The following SYNRG variants were observed in gnomAD, a reference collection of about 807,000 sequenced individuals.
The protein encoded by SYNRG is synergin gamma.
In SYNRG, 37 loss-of-function variants were observed where a neutral mutation model predicts 130.9. The ratio of observed to expected loss-of-function variants is 0.28; its 90% CI spans 0.22 to 0.37. SYNRG has a LOEUF of 0.37. SYNRG is among the 10% of genes least tolerant of loss of function. The pLI is 1.00. For synonymous variants in SYNRG, 539 were observed against 568.1 expected (o/e 0.95, Z 0.73); for missense variants, 1,338 against 1,588.9 (o/e 0.84, Z 2.68).
chr17:37,543,964 T>G (rs577637999), intron 14 of SYNRG, among the ~76,000 whole-genome samples: 1 of 152,368 alleles, frequency 6.6e-6, no homozygotes, highest in South Asian at 2.1e-4. Context: ...CTCAAAAGTT[T>G]TATGACCTAG....
intron 15 of SYNRG, chr17:37,541,599 C>A (rs539111734): frequency 2.2e-5 from 5 of 225,244 alleles, no homozygotes; most frequent in Admixed American, 1.5e-4. Flanking sequence ...CCCCGGCCCC[C>A]ACTTTGCAAC....
At position 37,570,703 on chromosome 17, in the gene SYNRG, A is replaced by G. The variant is rs769284086; in HGVS notation, c.1281T>C (p.Val427=). ...GGGCTGCAGCTCCACCCACTGGTCCAACAAGGTTAATGCCCATGACTGGCT... is the reference window on the plus strand; with the variant it reads ...GGGCTGCAGCTCCACCCACTGGTCCGACAAGGTTAATGCCCATGACTGGCT... The part of the protein sequence containing the change: ...LGQPVMGINL[V]GPVGGAAAQA... The change falls in exon 10 of 22, where the codon GTT becomes GTC. Residue 427 remains valine, a synonymous_variant. Transcript: ENST00000612223. 6.2e-7 allele frequency: 1 copy of G among 1,614,226 alleles called. No homozygotes were observed. The highest frequency in any genetic ancestry group is 8.5e-7 in the Non-Finnish European group (1 of 1,180,034).
chr17:37,589,366 T>C (rs561423333), intron 3 of SYNRG, among the ~76,000 whole-genome samples: 74 of 152,286 alleles, frequency 4.9e-4, no homozygotes, highest in African/African-American at 1.6e-3. Context: ...GATACAGCAA[T>C]GGGACAAATA....
chr17:37,585,293 G>A, intron 5 of SYNRG, 32 bp downstream of exon 5: 1 of 1,558,936 alleles, frequency 6.4e-7, no homozygotes, highest in Non-Finnish European at 8.8e-7. Context: ...GGGTGTGTAT[G>A]TTCTGGGTGA....
At chr17:37,545,485 G>T (rs570300530) in intron 14 of SYNRG, among the ~76,000 whole-genome samples, 110 of 152,224 alleles carry the variant, frequency 7.2e-4, no homozygotes, top group African/African-American at 2.5e-3. Flanking sequence ...TATTACTATG[G>T]TAATAAAAAG....
chr17:37,609,408 C>T lies in SYNRG; in HGVS notation c.-53G>A. Reference sequence around the variant, plus strand: ...CCGCCGCCACCTTATCAGCAGCTGTCAGCTGAACACAGCCACTTCCGGGTC... The same window carrying T: ...CCGCCGCCACCTTATCAGCAGCTGTTAGCTGAACACAGCCACTTCCGGGTC... On this transcript the variant is annotated 5_prime_UTR_variant, in exon 1 of 22. Transcript: ENST00000612223. The T allele has an allele frequency of 7.4e-7, 1 of 1,358,612 alleles. No homozygotes were observed. The highest frequency in any genetic ancestry group is 9.5e-7 in the Non-Finnish European group (1 of 1,057,770). 84.2% of individuals were successfully genotyped at this position (1,358,612 alleles called of 1,614,324 possible). A position where few individuals can be genotyped will look rare whatever the true frequency, so the allele number is the denominator to read the frequency against.
intron 14 of SYNRG, among the ~76,000 whole-genome samples, chr17:37,543,204 A>T (rs1176776331): frequency 2.0e-5 from 3 of 152,170 alleles, no homozygotes. Flanking sequence ...GCTGTGATGA[A>T]GTATGAGGAA....
intron 19 of SYNRG, among the ~76,000 whole-genome samples, chr17:37,532,531 G>A (rs573240507): frequency 6.6e-6 from 1 of 152,028 alleles, no homozygotes; most frequent in Non-Finnish European, 1.5e-5. Context: ...AAACTAGCTG[G>A]GCGTGGTGGC....
chr17:37,540,164 G>A (rs946064988), intron 16 of SYNRG, among the ~76,000 whole-genome samples: 2 of 152,142 alleles, frequency 1.3e-5, no homozygotes, highest in African/African-American at 4.8e-5. Context: ...TTGGTTTTAG[G>A]GTCACTGATT....
At chr17:37,526,875 T>C (rs754078444) in intron 19 of SYNRG, among the ~76,000 whole-genome samples, 4 of 152,182 alleles carry the variant, frequency 2.6e-5, no homozygotes, top group Non-Finnish European at 5.9e-5. Flanking sequence ...AGGTAACATA[T>C]TGACAAGTTC....
chr17:37,538,811 T>C (rs1295038411), intron 17 of SYNRG, among the ~76,000 whole-genome samples: 3 of 152,232 alleles, frequency 2.0e-5, no homozygotes, highest in East Asian at 1.9e-4. Context: ...GTCAGGCTGG[T>C]CTCAAACTCC....
At chr17:37,537,226 A>G (rs2057277631) in intron 18 of SYNRG, 1 of 152,322 alleles carries the variant, frequency 6.6e-6, no homozygotes, top group African/African-American at 2.4e-5. Context: ...TTGAGTGCCA[A>G]CTACGTGCAA....
At chr17:37,555,354 T>C (rs2059038771) in intron 13 of SYNRG, among the ~76,000 whole-genome samples, 1 of 152,206 alleles carries the variant, frequency 6.6e-6, no homozygotes, top group Non-Finnish European at 1.5e-5. Context: ...TTTGAACTCC[T>C]GACCTCGGCT....
intron 2 of SYNRG, among the ~76,000 whole-genome samples, chr17:37,599,079 G>A (rs1333193970): frequency 6.6e-6 from 1 of 152,182 alleles, no homozygotes; most frequent in Non-Finnish European, 1.5e-5. Context: ...ACCTGCTACT[G>A]AGCTGCTCTT....
Position 37,525,836 on chromosome 17 carries a change from C to G in SYNRG, c.3667-5188G>C, listed in dbSNP as rs9709185. Among the ~76,000 whole-genome samples, 136 of 152,250 alleles carry G rather than the reference C, an allele frequency of 8.9e-4. 2 individuals carry two copies. In the South Asian group the frequency reaches 0.027, roughly 31 times the overall value. On this transcript the variant is annotated intron_variant, in intron 19 of 21. Transcript: ENST00000612223. ...CAAAAATTAGCCAGGTGTGGTGGCG[C>G]TTGCCTGTAATCCCAGCTATTCAGG...
At chr17:37,596,018 G>C (rs1294656552) in intron 3 of SYNRG, among the ~76,000 whole-genome samples, 4 of 152,238 alleles carry the variant, frequency 2.6e-5, no homozygotes, top group African/African-American at 9.6e-5. Flanking sequence ...GCCTCCCAAA[G>C]TGCTGGGATT....
chr17:37,545,745 T>C (rs970251075), intron 14 of SYNRG, among the ~76,000 whole-genome samples: 13 of 152,224 alleles, frequency 8.5e-5, no homozygotes, highest in African/African-American at 3.1e-4. Context: ...AGAAATATTT[T>C]ATACTTAAAA....
At chr17:37,603,279 G>T (rs1468648858) in intron 1 of SYNRG, among the ~76,000 whole-genome samples, 1 of 152,012 alleles carries the variant, frequency 6.6e-6, no homozygotes. Context: ...CAAAGTGGGA[G>T]GATTGCTTGA....
chr17:37,607,977 A>AAC lies in SYNRG; in HGVS notation c.77+1301_77+1302insGT, dbSNP rs921620466. On this transcript the variant is annotated intron_variant, in intron 1 of 21. Transcript: ENST00000612223. The stretch of plus-strand genomic sequence containing the variant: ...TCTCAAAAAAAAAAAAAAAAAAAAA[A>AAC]AAACAAGACAAAAGAAAAAGAAAAA... Among the ~76,000 whole-genome samples, 976 of 121,350 alleles carry AAC rather than the reference A, an allele frequency of 8.0e-3. 20 individuals are homozygous for AAC. The highest frequency in any genetic ancestry group is 0.023 in the African/African-American group (661 of 28,600). 79.6% of individuals were successfully genotyped at this position (121,350 alleles called of 152,430 possible). A position where few individuals can be genotyped will look rare whatever the true frequency, so the allele number is the denominator to read the frequency against.
Sources: allele counts gnomAD v4.1 joint callset (sites outside exome capture counted in the v4.1 genomes callset), GRCh38; gene constraint gnomAD v4.1.1; transcripts MANE v1.5; gene names NCBI Gene and HGNC (gene_info 2026-07-23, HGNC 2026-07-21).